The following ADGRB3 variants were observed in gnomAD, a reference collection of about 807,000 sequenced individuals.
ADGRB3 encodes adhesion G protein-coupled receptor B3.
Under a neutral mutation model 193.4 loss-of-function variants are expected in ADGRB3, and 37 were observed. That is an observed-to-expected ratio of 0.19 (90% CI 0.15 to 0.25). The LOEUF (loss-of-function observed/expected upper bound fraction) is 0.25. Among genes scored for constraint, ADGRB3 ranks in the 10% least tolerant of loss-of-function variants. The pLI is 1.00. For synonymous variants in ADGRB3, 690 were observed against 644.2 expected (o/e 1.07, Z -1.08); for missense variants, 1,637 against 1,852.9 (o/e 0.88, Z 2.14).
At chr6:69,065,953 C>T (rs547161036) in intron 16 of ADGRB3, among the ~76,000 whole-genome samples, 74 of 151,870 alleles carry the variant, frequency 4.9e-4, no homozygotes, top group African/African-American at 1.7e-3. Context: ...ATAGTATTTA[C>T]ACTGTATTAT....
At chr6:69,227,359 T>C (rs780793150) in intron 17 of ADGRB3, among the ~76,000 whole-genome samples, 6 of 152,216 alleles carry the variant, frequency 3.9e-5, no homozygotes, top group African/African-American at 1.4e-4. Flanking sequence ...CTTTGTCTTT[T>C]ACTCTGAGTG....
chr6:69,061,304 TTCC>T (rs948836565), intron 15 of ADGRB3, among the ~76,000 whole-genome samples: 1 of 151,916 alleles, frequency 6.6e-6, no homozygotes, highest in African/African-American at 2.4e-5. Flanking sequence ...ATATAGTAAA[TTCC>T]TCCAACCACG....
chr6:68,821,250 CTA>C (rs971985266), intron 3 of ADGRB3, among the ~76,000 whole-genome samples: 3 of 151,854 alleles, frequency 2.0e-5, no homozygotes, highest in African/African-American at 7.2e-5. Context: ...TTTTCATATT[CTA>C]TGTTTATTTG....
intron 3 of ADGRB3, among the ~76,000 whole-genome samples, chr6:68,871,945 T>G (rs1765471829): frequency 6.6e-6 from 1 of 152,176 alleles, no homozygotes; most frequent in South Asian, 2.1e-4. Context: ...GGTTTATTTC[T>G]TCATAAGGTC....
chr6:68,812,737 C>A (rs1429149642), intron 3 of ADGRB3, among the ~76,000 whole-genome samples: 2 of 151,392 alleles, frequency 1.3e-5, no homozygotes, highest in Middle Eastern at 3.4e-3. Flanking sequence ...AGGTTTGTTA[C>A]ATAGTTATAC....
At chr6:68,650,902 A>AT (rs992226669) in intron 3 of ADGRB3, among the ~76,000 whole-genome samples, 3 of 151,948 alleles carry the variant, frequency 2.0e-5, no homozygotes, top group African/African-American at 4.8e-5. Flanking sequence ...CAGCTTTATG[A>AT]TTTTTTTTGA....
At chr6:68,956,352 C>T (rs1017425899) in intron 7 of ADGRB3, among the ~76,000 whole-genome samples, 164 bp downstream of exon 7, 3 of 150,630 alleles carry the variant, frequency 2.0e-5, no homozygotes, top group Non-Finnish European at 4.4e-5. Context: ...TTAATGAAGC[C>T]GATTATACCA....
rs553077410 is a variant in ADGRB3, at chr6:68,840,346, A to C, written c.758-90213A>C. 7.2e-4 allele frequency among the ~76,000 whole-genome samples: 98 copies of C among 135,370 alleles called. 1 individual carries two copies. Among genetic ancestry groups the C allele is most frequent in the African/African-American group, 2.5e-3 (88 of 35,212 alleles). The allele number at this position is 135,370 out of a possible 152,430, so 88.8% of individuals were successfully genotyped here. A position where few individuals can be genotyped will look rare whatever the true frequency, so the allele number is the denominator to read the frequency against. On this transcript the variant is annotated intron_variant, in intron 3 of 31. Coordinates refer to ENST00000370598, the MANE Select transcript of ADGRB3 (RefSeq NM_001704.3). ...ATACTACATCAGGCCACAGTGGGGC[A>C]GTGGAGTAAGGCACTGGGCAGTCTT...
chr6:69,349,032 A>G lies in ADGRB3; in HGVS notation c.3460-5201A>G, dbSNP rs148847173. On this transcript the variant is annotated intron_variant, in intron 26 of 31. Transcript: ENST00000370598. ...ACCTGATTCCATTCCCAGCTCTGCT[A>G]CTTGTTATTTTTATGATCTTGAGCA... Among the ~76,000 whole-genome samples, 351 of 152,288 alleles carry G rather than the reference A, an allele frequency of 2.3e-3. 4 individuals carry two copies. The highest frequency in any genetic ancestry group is 8.2e-3 in the African/African-American group (342 of 41,564).
At chr6:69,104,041 T>G (rs1773140815) in intron 17 of ADGRB3, among the ~76,000 whole-genome samples, 1 of 152,162 alleles carries the variant, frequency 6.6e-6, no homozygotes, top group African/African-American at 2.4e-5. Flanking sequence ...TTTTAATTTT[T>G]TTTTATTATT....
chr6:68,661,380 CATATATATATGTGTGTATACATATATAT>C (rs1768633451), intron 3 of ADGRB3, among the ~76,000 whole-genome samples: 1 of 69,122 alleles, frequency 1.4e-5, no homozygotes, highest in African/African-American at 7.0e-5. Context: ...TATGTGTATA[CATATATATATGTGTGTATACATATATAT>C]GTGTGTGTAT....
intron 25 of ADGRB3, 88 bp from the exon 26 acceptor site, chr6:69,339,245 A>G (rs1187431570): frequency 6.8e-7 from 1 of 1,479,276 alleles, no homozygotes; most frequent in East Asian, 2.3e-5. Flanking sequence ...TTGGAACCAC[A>G]TACAAAAATG....
At chr6:68,929,005 A>G (rs144389670) in intron 3 of ADGRB3, among the ~76,000 whole-genome samples, 22 of 152,320 alleles carry the variant, frequency 1.4e-4, no homozygotes, top group Middle Eastern at 3.4e-3. Context: ...CAAAATTGTT[A>G]AATGAGTGAT....
At chr6:68,886,828 T>TATA (rs1765921460) in intron 3 of ADGRB3, among the ~76,000 whole-genome samples, 1 of 152,158 alleles carries the variant, frequency 6.6e-6, no homozygotes, top group African/African-American at 2.4e-5. Context: ...ATAATCGCTT[T>TATA]ATATGTACTG....
intron 17 of ADGRB3, among the ~76,000 whole-genome samples, chr6:69,185,450 C>G (rs918990470): frequency 1.3e-5 from 2 of 152,126 alleles, no homozygotes; most frequent in African/African-American, 4.8e-5. Context: ...CAGATTAGAG[C>G]AGAGCCAGGA....
intron 17 of ADGRB3, among the ~76,000 whole-genome samples, chr6:69,192,189 G>A (rs1765202867): frequency 6.6e-6 from 1 of 152,098 alleles, no homozygotes; most frequent in Non-Finnish European, 1.5e-5. Flanking sequence ...GAAGCCAGTT[G>A]GAGATCCGAA....
chr6:68,839,903 G>C, intron 3 of ADGRB3, among the ~76,000 whole-genome samples: 1 of 152,126 alleles, frequency 6.6e-6, no homozygotes, highest in Non-Finnish European at 1.5e-5. Context: ...CATAGGGGAG[G>C]GAGAGCACAG....
intron 3 of ADGRB3, among the ~76,000 whole-genome samples, chr6:68,706,957 A>G (rs1388249337): frequency 1.3e-5 from 2 of 151,964 alleles, no homozygotes; most frequent in East Asian, 3.9e-4. Context: ...TAAAAATACA[A>G]AAAATTAGCC....
At chr6:69,123,703 G>A (rs1025997245) in intron 17 of ADGRB3, among the ~76,000 whole-genome samples, 1 of 152,174 alleles carries the variant, frequency 6.6e-6, no homozygotes, top group Non-Finnish European at 1.5e-5. Flanking sequence ...CTTCATGGGA[G>A]TAGGGGAGCG....
Sources: gnomAD v4.1 joint callset for allele counts (sites outside exome capture counted in the v4.1 genomes callset) on GRCh38, gnomAD v4.1.1 for gene constraint, MANE v1.5 for transcripts, NCBI Gene and HGNC (gene_info 2026-07-23, HGNC 2026-07-21) for gene names.